The following CASD1 variants were observed in gnomAD, a reference collection of about 807,000 sequenced individuals.
The protein encoded by CASD1 is N-acetylneuraminate (7)9-O-acetyltransferase.
In CASD1, 41 loss-of-function variants were observed where a neutral mutation model predicts 100.0. That is an observed-to-expected ratio of 0.41 (90% CI 0.32 to 0.53). CASD1 has a LOEUF of 0.53. Ranked by LOEUF, CASD1 falls within the 20% of genes least tolerant of loss-of-function variation. CASD1 has a pLI of 0.25. For missense variants in CASD1, 774 were observed against 948.7 expected, an observed-to-expected ratio of 0.82 and a Z score of 2.42; for synonymous variants, 321 against 315.6, an observed-to-expected ratio of 1.02 and a Z score of -0.18.
At chr7:94,623,368 C>A in the CASD1 span, 1 of 1,606,874 alleles carries the variant, frequency 6.2e-7, no homozygotes. Flanking sequence ...GCCTTGCAGT[C>A]TCAAAGGTGC....
rs1183202363 is a variant in CASD1, at chr7:94,518,244, T to A, written c.272T>A (p.Ile91Asn). The A allele has an allele frequency of 3.2e-6, 5 of 1,575,686 alleles. No homozygotes were observed. The highest frequency in any genetic ancestry group is 4.3e-6 in the Non-Finnish European group (5 of 1,165,724). ...NCLVDKHIAF[I>N]GDSRIRQLFY... is the part of the protein sequence containing the mutation. ...CTTGTAGATAAACATATTGCATTTA[T>A]TGGAGATTCCAGAATTCGTCAATTG... The change falls in exon 3 of 18, where the codon ATT becomes AAT. Residue 91 changes from isoleucine (I) to asparagine (N), a missense_variant. Coordinates refer to ENST00000297273, the MANE Select transcript of CASD1 (RefSeq NM_022900.5).
chr7:94,588,220 A>G, the CASD1 span: 1 of 1,068,836 alleles, frequency 9.4e-7, no homozygotes, highest in African/African-American at 1.7e-5. Flanking sequence ...GTCATGTTAT[A>G]ACAGCTTTTT....
chr7:94,596,475 A>G, the CASD1 span, among the ~76,000 whole-genome samples: 1 of 152,146 alleles, frequency 6.6e-6, no homozygotes, highest in East Asian at 1.9e-4. Flanking sequence ...TGTTTGTTAC[A>G]TTATCAACAG....
chr7:94,628,495 A>C, the CASD1 span: 2 of 645,314 alleles, frequency 3.1e-6, no homozygotes, highest in Admixed American at 2.9e-5. Context: ...TACAAAACCC[A>C]TCTGGGAATT....
the CASD1 span, chr7:94,586,489 G>GTTTCCTTTTTTCTTTT: frequency 6.6e-6 from 1 of 151,964 alleles, no homozygotes; most frequent in Non-Finnish European, 1.5e-5. Flanking sequence ...CTCCATTTAG[G>GTTTCCTTTTTTCTTTT]TTTTCTTTTT....
intron 3 of CASD1, among the ~76,000 whole-genome samples, chr7:94,521,028 G>A (rs1334795393): frequency 6.6e-6 from 1 of 152,052 alleles, no homozygotes; most frequent in Non-Finnish European, 1.5e-5. Flanking sequence ...GGAGGTGGAG[G>A]TTGCAGTGAG....
At chr7:94,633,446 C>T in the CASD1 span, among the ~76,000 whole-genome samples, 177 of 152,192 alleles carry the variant, frequency 1.2e-3, no homozygotes, top group African/African-American at 4.0e-3. Context: ...ATCATTATCT[C>T]GCTCTCCCTA....
chr7:94,593,412 T>C, the CASD1 span, among the ~76,000 whole-genome samples: 17,787 of 151,938 alleles, frequency 0.12, 1,382 homozygotes, highest in South Asian at 0.24. Flanking sequence ...AAAAAATCAA[T>C]TGGTATTGAT....
chr7:94,554,659 C>A, intron 17 of CASD1, 84 bp downstream of exon 17: 1 of 761,384 alleles, frequency 1.3e-6, no homozygotes, highest in East Asian at 2.6e-5. Flanking sequence ...AAATATCACA[C>A]ATATATGTGA....
In CASD1 at chr7:94,537,877, A is replaced by G; in HGVS notation, c.1249A>G (p.Asn417Asp). The G allele has an allele frequency of 6.8e-7, 1 of 1,470,016 alleles. No homozygotes were observed. The highest frequency in any genetic ancestry group is 1.1e-5 in the South Asian group (1 of 87,376). The allele number at this position is 1,470,016 out of a possible 1,614,324, so 91.1% of individuals were successfully genotyped here. A position where few individuals can be genotyped will look rare whatever the true frequency, so the allele number is the denominator to read the frequency against. ...CATTTTGGTTTTGGGAGTATTTTAT[A>G]ATGAAAATACTAAAGAGGTAAGAGT... ...IYILVLGVFY[N>D]ENTKETKVLN... Residue 417 changes from asparagine to aspartate, a missense_variant, in exon 9 of 18, where the codon AAT becomes GAT. Asn to Asp is a conservative substitution (Grantham distance 23). Around this residue, in one of 5 missense-constraint regions of CASD1, gnomAD observed 453 missense variants for 532.6 expected, o/e 0.85. Transcript: ENST00000297273.
Position 94,538,291 on chromosome 7 carries a change from T to A in CASD1, c.1266+397T>A, listed in dbSNP as rs143332668. 3.4e-3 allele frequency among the ~76,000 whole-genome samples: 525 copies of A among 152,284 alleles called. 8 individuals carry two copies. Among genetic ancestry groups the A allele is most frequent in the African/African-American group, 0.012 (509 of 41,564 alleles). ...TGCCTATGCACACAAACATATTTTA[T>A]ATTTATATATTTATCAGTCAGACAT... On this transcript the variant is annotated intron_variant, in intron 9 of 17. Coordinates refer to ENST00000297273, the MANE Select transcript of CASD1 (RefSeq NM_022900.5).
the CASD1 span, among the ~76,000 whole-genome samples, chr7:94,573,265 G>A: frequency 6.6e-6 from 1 of 152,136 alleles, no homozygotes; most frequent in Non-Finnish European, 1.5e-5. Context: ...TCTGTGAAGA[G>A]TGTCATTGGT....
intron 10 of CASD1, among the ~76,000 whole-genome samples, chr7:94,543,803 T>C (rs988263625): frequency 6.6e-6 from 1 of 152,206 alleles, no homozygotes; most frequent in Non-Finnish European, 1.5e-5. Context: ...TGGTGCCTCC[T>C]ATCATATGTG....
chr7:94,554,476 T>G lies in CASD1; in HGVS notation c.2035-7T>G. 1 of 1,574,896 alleles carries G rather than the reference T, an allele frequency of 6.3e-7. No individual in the cohort carries two copies. The highest frequency in any genetic ancestry group is 8.7e-7 in the Non-Finnish European group (1 of 1,150,904). On this transcript the variant is annotated splice_polypyrimidine_tract_variant and splice_region_variant and intron_variant, in intron 16 of 17. Coordinates refer to ENST00000297273, the MANE Select transcript of CASD1 (RefSeq NM_022900.5). ...TATTAATATTTGCTTTTGTGCTTTT[T>G]CTTTAGATTTTAGCCTTCATCCTAA...
At chr7:94,566,155 G>T in the CASD1 span, among the ~76,000 whole-genome samples, 1 of 152,228 alleles carries the variant, frequency 6.6e-6, no homozygotes, top group East Asian at 1.9e-4. Context: ...AATGAGGTGA[G>T]CATTTATAGT....
At chr7:94,613,346 T>C in the CASD1 span, among the ~76,000 whole-genome samples, 1 of 152,230 alleles carries the variant, frequency 6.6e-6, no homozygotes, top group Non-Finnish European at 1.5e-5. Flanking sequence ...TTCAGCTAGT[T>C]GTTGTCAAAA....
the CASD1 span, chr7:94,628,346 A>G: frequency 1.9e-6 from 3 of 1,609,716 alleles, no homozygotes; most frequent in African/African-American, 4.0e-5. Context: ...TTATGGGATC[A>G]TTACTAATCT....
chr7:94,519,029 A>G (rs1395520754), intron 3 of CASD1, among the ~76,000 whole-genome samples: 1 of 152,144 alleles, frequency 6.6e-6, no homozygotes, highest in Non-Finnish European at 1.5e-5. Context: ...AATTTATACT[A>G]ATTAGCAATA....
chr7:94,603,168 A>T, the CASD1 span: 2 of 709,526 alleles, frequency 2.8e-6, no homozygotes, highest in South Asian at 3.5e-5. Context: ...ATCTCAAGGG[A>T]AGTCAACTGC....
Sources: gnomAD v4.1 joint callset for allele counts (sites outside exome capture counted in the v4.1 genomes callset) on GRCh38, gnomAD v4.1.1 for gene constraint, gnomAD v4.1.1 regional missense constraint, MANE v1.5 for transcripts, NCBI Gene and HGNC (gene_info 2026-07-23, HGNC 2026-07-21) for gene names.